RBFOX1: variants seen among roughly 807,000 people sequenced by gnomAD.
RBFOX1 encodes RNA binding protein fox-1 homolog 1.
Under a neutral mutation model 57.7 loss-of-function variants are expected in RBFOX1, and 8 were observed. The ratio of observed to expected loss-of-function variants is 0.14; its 90% CI spans 0.08 to 0.25. The LOEUF is 0.25. Ranked by LOEUF, RBFOX1 falls within the 10% of genes least tolerant of loss-of-function variation. The pLI, the probability that RBFOX1 is intolerant of heterozygous loss-of-function variation, is 1.00. For synonymous variants in RBFOX1, 326 were observed against 222.4 expected (o/e 1.47, Z -4.15); for missense variants, 611 against 548.5 (o/e 1.11, Z -1.14).
chr16:6,133,238 C>T (rs2096642562), intron 1 of RBFOX1, among the ~76,000 whole-genome samples: 1 of 152,058 alleles, frequency 6.6e-6, no homozygotes, highest in Non-Finnish European at 1.5e-5. Context: ...GACAAAAGTC[C>T]CCTGATTGCT....
chr16:6,485,686 AC>A (rs781567300), intron 2 of RBFOX1, among the ~76,000 whole-genome samples: 30 of 152,310 alleles, frequency 2.0e-4, no homozygotes, highest in Non-Finnish European at 3.7e-4. Flanking sequence ...CTTTGAAAAC[AC>A]TTTTACTATG....
At chr16:6,779,429 C>T (rs1303226591) in intron 3 of RBFOX1, among the ~76,000 whole-genome samples, 1 of 151,788 alleles carries the variant, frequency 6.6e-6, no homozygotes, top group East Asian at 1.9e-4. Flanking sequence ...GGTGGACACT[C>T]AGGTTGATTT....
intron 4 of RBFOX1, among the ~76,000 whole-genome samples, chr16:7,293,517 G>T (rs2095834807): frequency 6.6e-6 from 1 of 152,148 alleles, no homozygotes; most frequent in African/African-American, 2.4e-5. Context: ...ATTGCAGAAT[G>T]GGCTAATTAA....
chr16:5,909,200 C>T (rs2058552992), intron 4 of RBFOX1, among the ~76,000 whole-genome samples: 1 of 148,792 alleles, frequency 6.7e-6, no homozygotes, highest in Non-Finnish European at 1.5e-5. Flanking sequence ...TCACGCCATT[C>T]TCCTGCTTCA....
intron 4 of RBFOX1, among the ~76,000 whole-genome samples, chr16:7,514,414 C>G (rs1049581837): frequency 6.6e-6 from 1 of 152,136 alleles, no homozygotes; most frequent in African/African-American, 2.4e-5. Context: ...GTCCACTTTG[C>G]AGCTAGTATG....
At chr16:5,297,573 A>AT (rs1232899292) in intron 1 of RBFOX1, among the ~76,000 whole-genome samples, 1 of 152,052 alleles carries the variant, frequency 6.6e-6, no homozygotes, top group Non-Finnish European at 1.5e-5. Flanking sequence ...TCTTTTGCTC[A>AT]TTTTTTGAGT....
At chr16:6,381,742 G>T (rs1324771250) in intron 2 of RBFOX1, among the ~76,000 whole-genome samples, 9 of 152,176 alleles carry the variant, frequency 5.9e-5, no homozygotes, top group Non-Finnish European at 1.2e-4. Context: ...TGTATGCCTG[G>T]GGCTACCGCA....
chr16:5,626,402 G>C (rs1395060562), intron 3 of RBFOX1, among the ~76,000 whole-genome samples: 1 of 152,158 alleles, frequency 6.6e-6, no homozygotes, highest in Admixed American at 6.5e-5. Context: ...CACCAGTCAG[G>C]TTGGACTGGG....
intron 2 of RBFOX1, among the ~76,000 whole-genome samples, chr16:5,478,991 C>T (rs556726538): frequency 2.0e-5 from 3 of 152,292 alleles, no homozygotes; most frequent in Admixed American, 1.3e-4. Context: ...ACCCCCTACC[C>T]ATACCTTTAT....
rs536064910 is a variant in RBFOX1, at chr16:6,969,102, C to T, written c.-15-82955C>T. Reference sequence around the variant, plus strand: ...TTACAGGAGAGACCTTCTCCTAATGCATTGGTTAAGAGTACTGCGTGTGAA... The same window carrying T: ...TTACAGGAGAGACCTTCTCCTAATGTATTGGTTAAGAGTACTGCGTGTGAA... On this transcript the variant is annotated intron_variant, in intron 3 of 15. Transcript: ENST00000550418. Among the ~76,000 whole-genome samples the T allele has an allele frequency of 2.4e-4, 36 of 152,220 alleles. No homozygotes were observed. The Middle Eastern group carries it at 0.014, about 58-fold the overall frequency.
chr16:6,180,696 G>C (rs906062533), intron 1 of RBFOX1, among the ~76,000 whole-genome samples: 1 of 151,900 alleles, frequency 6.6e-6, no homozygotes, highest in Non-Finnish European at 1.5e-5. Flanking sequence ...CTCCTGAGTA[G>C]CTGGGATTAC....
intron 4 of RBFOX1, among the ~76,000 whole-genome samples, chr16:5,888,758 C>T (rs552161774): frequency 1.4e-5 from 2 of 143,100 alleles, no homozygotes; most frequent in Non-Finnish European, 3.0e-5. Flanking sequence ...GATCGTGCCA[C>T]TGCACTCCAA....
At chr16:6,966,425 C>T (rs1408210002) in intron 3 of RBFOX1, among the ~76,000 whole-genome samples, 1 of 152,046 alleles carries the variant, frequency 6.6e-6, no homozygotes, top group East Asian at 1.9e-4. Context: ...GGGGGTCTTC[C>T]AGAGGTCCCT....
intron 4 of RBFOX1, among the ~76,000 whole-genome samples, chr16:7,288,642 A>T (rs780244696): frequency 6.6e-6 from 1 of 152,186 alleles, no homozygotes; most frequent in Non-Finnish European, 1.5e-5. Context: ...GGAGTTCGAG[A>T]CCAGCCTGGC....
At chr16:5,933,894 G>T (rs2059118662) in intron 4 of RBFOX1, among the ~76,000 whole-genome samples, 1 of 152,012 alleles carries the variant, frequency 6.6e-6, no homozygotes, top group South Asian at 2.1e-4. Flanking sequence ...TCATCACTCA[G>T]GTAGTAAGCC....
At chr16:6,519,967 C>G (rs1335096404) in intron 2 of RBFOX1, among the ~76,000 whole-genome samples, 1 of 152,136 alleles carries the variant, frequency 6.6e-6, no homozygotes, top group Non-Finnish European at 1.5e-5. Context: ...GGTCAGTAGG[C>G]ATGGTATTAA....
intron 5 of RBFOX1, among the ~76,000 whole-genome samples, chr16:7,552,675 C>T (rs2086917629): frequency 6.6e-6 from 1 of 151,958 alleles, no homozygotes; most frequent in Non-Finnish European, 1.5e-5. Flanking sequence ...GACTAATTTG[C>T]CACTCTTGTT....
chr16:6,554,532 T>C (rs959478501), intron 2 of RBFOX1, among the ~76,000 whole-genome samples: 2 of 152,162 alleles, frequency 1.3e-5, no homozygotes, highest in Admixed American at 6.5e-5. Context: ...AATTTTATGG[T>C]TTATGAACTC....
chr16:7,598,588 T>C (rs1172168974), intron 9 of RBFOX1, among the ~76,000 whole-genome samples: 1 of 152,160 alleles, frequency 6.6e-6, no homozygotes, highest in Admixed American at 6.6e-5. Context: ...ACCTCCCCCC[T>C]CACAGGAAGC....
Sources: allele counts gnomAD v4.1 joint callset (sites outside exome capture counted in the v4.1 genomes callset), GRCh38; gene constraint gnomAD v4.1.1; transcripts MANE v1.5; gene names NCBI Gene and HGNC (gene_info 2026-07-23, HGNC 2026-07-21).